RFC3: variants seen among roughly 807,000 people sequenced by gnomAD.
RFC3 encodes the protein replication factor C subunit 3.
A neutral mutation model predicts 45.1 loss-of-function variants in RFC3; 41 were observed. The observed-to-expected ratio is 0.91, with a 90% CI of 0.71 to 1.18. RFC3 has a LOEUF of 1.18. Among genes scored for constraint, RFC3 ranks in the 50% most tolerant of loss-of-function variants. RFC3 has a pLI of 0.00. For missense variants in RFC3, 423 were observed against 428.1 expected, an observed-to-expected ratio of 0.99 and a Z score of 0.10; for synonymous variants, 149 against 144.0, an observed-to-expected ratio of 1.03 and a Z score of -0.25.
chr13:33,828,087 G>T (rs1482167303), intron 4 of RFC3, among the ~76,000 whole-genome samples: 2 of 152,106 alleles, frequency 1.3e-5, no homozygotes, highest in Non-Finnish European at 2.9e-5. Context: ...GTTTGGGATT[G>T]CAGTGAGCCA....
At chr13:33,892,993 TG>T (rs1311267275) in intron 8 of RFC3, among the ~76,000 whole-genome samples, 1 of 152,176 alleles carries the variant, frequency 6.6e-6, no homozygotes, top group African/African-American at 2.4e-5. Context: ...TTGGGAGCCT[TG>T]GCAGGAGAAC....
At chr13:33,933,008 C>A (rs1161586789) in intron 8 of RFC3, among the ~76,000 whole-genome samples, 1 of 152,130 alleles carries the variant, frequency 6.6e-6, no homozygotes, top group Non-Finnish European at 1.5e-5. Context: ...CTTTTGAACA[C>A]CTAATAAATA....
chr13:33,964,549 C>G (rs2083076133), intron 8 of RFC3, among the ~76,000 whole-genome samples: 1 of 152,194 alleles, frequency 6.6e-6, no homozygotes, highest in Non-Finnish European at 1.5e-5. Context: ...TAGCATCTTC[C>G]CCATCATCCC....
chr13:33,848,963 C>T (rs763768580), intron 8 of RFC3: 1 of 152,024 alleles, frequency 6.6e-6, no homozygotes, highest in Non-Finnish European at 1.5e-5. Flanking sequence ...TTTTAAGGTA[C>T]TGGGGATACA....
chr13:33,835,540 A>G (rs749137882), intron 8 of RFC3: 2 of 504,364 alleles, frequency 4.0e-6, no homozygotes, highest in Non-Finnish European at 3.8e-6. Context: ...CTACAAAGAA[A>G]AAAGTGAAGT....
chr13:33,841,278 G>A (rs2082196477), downstream of RFC3, among the ~76,000 whole-genome samples: 1 of 152,224 alleles, frequency 6.6e-6, no homozygotes, highest in Non-Finnish European at 1.5e-5. Context: ...TGCTAAAAAG[G>A]TTGGGGAGTG....
chr13:33,903,630 T>C (rs1412670737), intron 8 of RFC3, among the ~76,000 whole-genome samples: 1 of 152,104 alleles, frequency 6.6e-6, no homozygotes, highest in East Asian at 1.9e-4. Flanking sequence ...TTCACATATT[T>C]ATGCATAACC....
At chr13:33,938,914 G>A (rs1254029459) in intron 8 of RFC3, among the ~76,000 whole-genome samples, 2 of 152,038 alleles carry the variant, frequency 1.3e-5, no homozygotes, top group Non-Finnish European at 2.9e-5. Context: ...TCAGGTTTTT[G>A]CCAACAATTG....
At chr13:33,838,739 T>G (rs2082176124), downstream of RFC3, among the ~76,000 whole-genome samples, 1 of 152,152 alleles carries the variant, frequency 6.6e-6, no homozygotes, top group Non-Finnish European at 1.5e-5. Context: ...CAGAGTCAGT[T>G]TCTTTTGGCT....
In RFC3 at chr13:33,827,541, A is replaced by G. The variant is rs79129282; in HGVS notation, c.391+1655A>G. Among the ~76,000 whole-genome samples the G allele has an allele frequency of 9.4e-3, 1,425 of 152,348 alleles. 28 individuals are homozygous for G. Among genetic ancestry groups the G allele is most frequent in the African/African-American group, 0.032 (1,348 of 41,578 alleles). ...GTTGAAATTTAAAATTTTAATCAAA[A>G]TTAATAATACCTGATTACAATTACA... On this transcript the variant is annotated intron_variant, in intron 4 of 8. Transcript: ENST00000380071.
intron 8 of RFC3, among the ~76,000 whole-genome samples, chr13:33,872,487 A>G (rs1444216869): frequency 6.6e-6 from 1 of 152,190 alleles, no homozygotes; most frequent in Non-Finnish European, 1.5e-5. Flanking sequence ...TAATCCCAGC[A>G]CTTTGGGAGG....
intron 8 of RFC3, among the ~76,000 whole-genome samples, chr13:33,860,836 G>T (rs959911430): frequency 2.0e-5 from 3 of 152,008 alleles, no homozygotes; most frequent in Admixed American, 6.6e-5. Context: ...AGCAAGTCCC[G>T]CAGAGATGTC....
At chr13:33,853,235 A>G (rs75650368) in intron 8 of RFC3, among the ~76,000 whole-genome samples, 4,545 of 152,220 alleles carry the variant, frequency 0.03, 135 homozygotes, top group African/African-American at 0.069. Flanking sequence ...TAGAATCCCA[A>G]ATTGGCTCTG....
chr13:33,913,874 A>G (rs1475258041), intron 8 of RFC3, among the ~76,000 whole-genome samples: 1 of 152,138 alleles, frequency 6.6e-6, no homozygotes, highest in South Asian at 2.1e-4. Context: ...AGAACATGTG[A>G]CTATACACGT....
intron 8 of RFC3, among the ~76,000 whole-genome samples, chr13:33,918,036 A>G (rs1173504470): frequency 2.6e-5 from 4 of 152,086 alleles, no homozygotes; most frequent in Non-Finnish European, 5.9e-5. Context: ...CTACAGCTCT[A>G]CAGGGGTTCC....
intron 4 of RFC3, among the ~76,000 whole-genome samples, chr13:33,828,000 A>T (rs1350003174): frequency 2.0e-5 from 3 of 146,384 alleles, no homozygotes; most frequent in Non-Finnish European, 4.5e-5. Context: ...CCAAAGGAAG[A>T]AAAAAAAAAA....
At chr13:33,902,694 T>C (rs1213973867) in intron 8 of RFC3, among the ~76,000 whole-genome samples, 1 of 152,062 alleles carries the variant, frequency 6.6e-6, no homozygotes, top group African/African-American at 2.4e-5. Flanking sequence ...GCCAACATTA[T>C]TTTTCATCTG....
intron 8 of RFC3, among the ~76,000 whole-genome samples, chr13:33,927,872 G>C (rs1457948372): frequency 6.6e-6 from 1 of 152,090 alleles, no homozygotes; most frequent in Non-Finnish European, 1.5e-5. Context: ...CCAAGGAGGA[G>C]TTTCAGATGA....
intron 4 of RFC3, among the ~76,000 whole-genome samples, chr13:33,826,573 C>G (rs1748347334): frequency 6.6e-6 from 1 of 152,132 alleles, no homozygotes; most frequent in African/African-American, 2.4e-5. Flanking sequence ...TTTCTTTCCT[C>G]AGTCTCCATA....
Sources: allele counts gnomAD v4.1 joint callset (sites outside exome capture counted in the v4.1 genomes callset), GRCh38; gene constraint gnomAD v4.1.1; transcripts MANE v1.5; gene names NCBI Gene and HGNC (gene_info 2026-07-23, HGNC 2026-07-21).